The following GALNT13 variants were observed in gnomAD, a reference collection of about 807,000 sequenced individuals.
GALNT13 encodes the protein polypeptide N-acetylgalactosaminyltransferase 13.
A neutral mutation model predicts 64.2 loss-of-function variants in GALNT13; 28 were observed. That is an observed-to-expected ratio of 0.44 (90% confidence interval 0.32 to 0.60). GALNT13 has a LOEUF of 0.60. GALNT13 is among the 20% of genes least tolerant of loss of function. The pLI, the probability that GALNT13 is intolerant of heterozygous loss-of-function variation, is 0.05. For synonymous variants in GALNT13, 214 were observed against 224.6 expected (o/e 0.95, Z 0.42); for missense variants, 577 against 669.8 (o/e 0.86, Z 1.53).
the GALNT13 span, among the ~76,000 whole-genome samples, chr2:153,665,481 C>T: frequency 1.3e-5 from 2 of 148,268 alleles, no homozygotes; most frequent in Admixed American, 6.7e-5. Context: ...CAATTCTCTT[C>T]CCCCACCACC....
chr2:153,843,462 C>T, the GALNT13 span, among the ~76,000 whole-genome samples: 1 of 152,202 alleles, frequency 6.6e-6, no homozygotes, highest in African/African-American at 2.4e-5. Flanking sequence ...CAGACCCCAC[C>T]TCTAGCACTG....
At chr2:153,528,308 A>G in the GALNT13 span, among the ~76,000 whole-genome samples, 1 of 152,014 alleles carries the variant, frequency 6.6e-6, no homozygotes, top group African/African-American at 2.4e-5. Flanking sequence ...AGATTTTAAG[A>G]CAAAAACTAT....
At chr2:153,771,540 T>C in the GALNT13 span, among the ~76,000 whole-genome samples, 5 of 151,876 alleles carry the variant, frequency 3.3e-5, no homozygotes, top group Admixed American at 2.6e-4. Context: ...TGTAGTCTCC[T>C]AATCTAGGGT....
chr2:153,283,818 T>C, the GALNT13 span, among the ~76,000 whole-genome samples: 1 of 151,944 alleles, frequency 6.6e-6, no homozygotes, highest in South Asian at 2.1e-4. Context: ...GGGTGTGAAG[T>C]GGAGAGACCC....
chr2:154,185,966 C>T (rs1008465620), intron 4 of GALNT13, among the ~76,000 whole-genome samples: 1 of 151,860 alleles, frequency 6.6e-6, no homozygotes, highest in Non-Finnish European at 1.5e-5. Context: ...TTAATTATTA[C>T]AGTCTTCCAA....
the GALNT13 span, among the ~76,000 whole-genome samples, chr2:153,185,071 G>T: frequency 1.3e-5 from 2 of 152,240 alleles, no homozygotes; most frequent in Middle Eastern, 6.8e-3. Flanking sequence ...GTAGAATTCA[G>T]CTGTGAATCT....
At chr2:154,161,478 A>G (rs1032174680) in intron 4 of GALNT13, among the ~76,000 whole-genome samples, 2 of 152,110 alleles carry the variant, frequency 1.3e-5, no homozygotes, top group Non-Finnish European at 2.9e-5. Context: ...AACAGGAATG[A>G]TTACGTGGGT....
At chr2:154,183,692 A>G (rs898064741) in intron 4 of GALNT13, among the ~76,000 whole-genome samples, 7 of 152,196 alleles carry the variant, frequency 4.6e-5, no homozygotes, top group Non-Finnish European at 8.8e-5. Flanking sequence ...AGCCTCGGCA[A>G]CAGAGTGAGA....
Position 154,359,975 on chromosome 2 carries a change from C to G in GALNT13, c.1157-36016C>G, listed in dbSNP as rs1696972091. On this transcript the variant is annotated intron_variant, in intron 9 of 12. Transcript: ENST00000392825. ...GCCTTTGATCTCAAAAATAAGCATTCCCAAAACAACATGATTTAATGAGCA... is the reference window on the plus strand; with the variant it reads ...GCCTTTGATCTCAAAAATAAGCATTGCCAAAACAACATGATTTAATGAGCA... 2.6e-5 allele frequency among the ~76,000 whole-genome samples: 4 copies of G among 152,022 alleles called. No homozygotes were observed. The South Asian group carries it at 8.3e-4, about 32-fold the overall frequency.
chr2:153,374,145 T>A, the GALNT13 span, among the ~76,000 whole-genome samples: 1 of 152,176 alleles, frequency 6.6e-6, no homozygotes, highest in East Asian at 1.9e-4. Flanking sequence ...TCATCTGTAT[T>A]TTTAATTTTT....
At chr2:153,333,851 A>G in the GALNT13 span, among the ~76,000 whole-genome samples, 1 of 152,230 alleles carries the variant, frequency 6.6e-6, no homozygotes, top group African/African-American at 2.4e-5. Context: ...CATCTCCAAA[A>G]TAATTGTGTT....
At chr2:153,832,787 A>G in the GALNT13 span, among the ~76,000 whole-genome samples, 2 of 152,170 alleles carry the variant, frequency 1.3e-5, no homozygotes, top group Non-Finnish European at 2.9e-5. Context: ...GTAAAGTGTC[A>G]GTAAATATTT....
rs561672034 is a variant in GALNT13 at position 154,123,559 on chromosome 2, T to C, written c.143-16778T>C. Among the ~76,000 whole-genome samples, 10 of 152,040 alleles carry C rather than the reference T, an allele frequency of 6.6e-5. No individual in the cohort carries two copies. The South Asian group carries it at 2.1e-3, about 32-fold the overall frequency. ...ACACACTCAATAACATGGCTAAAAT[T>C]AGAATGAATGATAATATCTTGCCCT... On this transcript the variant is annotated intron_variant, in intron 3 of 12. Coordinates refer to ENST00000392825, the MANE Select transcript of GALNT13 (RefSeq NM_052917.4).
At chr2:154,102,314 A>G (rs1049950895) in intron 3 of GALNT13, among the ~76,000 whole-genome samples, 2 of 152,184 alleles carry the variant, frequency 1.3e-5, no homozygotes, top group Admixed American at 6.6e-5. Flanking sequence ...AATCCATTAT[A>G]GCAACTCAGA....
chr2:154,128,179 G>GCTTTGT, intron 3 of GALNT13, among the ~76,000 whole-genome samples: 1 of 152,012 alleles, frequency 6.6e-6, no homozygotes, highest in Non-Finnish European at 1.5e-5. Context: ...TGGTAATTTA[G>GCTTTGT]CTTTGTGTTG....
At chr2:153,161,615 A>G in the GALNT13 span, among the ~76,000 whole-genome samples, 5 of 151,960 alleles carry the variant, frequency 3.3e-5, no homozygotes, top group African/African-American at 7.3e-5. Flanking sequence ...TTCCAAGCAG[A>G]AAAAAACAAG....
At position 154,453,369 on chromosome 2, in the gene GALNT13, T is replaced by C. The variant is rs1354672114; in HGVS notation, c.*2818T>C. The C allele has an allele frequency of 6.6e-6, 1 of 151,896 alleles. No individual in the cohort carries two copies. Among genetic ancestry groups the C allele is most frequent in the Non-Finnish European group, 1.5e-5 (1 of 67,992 alleles). 9.4% of individuals were successfully genotyped at this position (151,896 alleles called of 1,614,324 possible). ...ACATACACATGCACACACACACACA[T>C]GCAATTCTACCTTTTTCTAACACCA... is the stretch of plus-strand genomic sequence containing the variant. On this transcript the variant is annotated 3_prime_UTR_variant, in exon 13 of 13. Coordinates refer to ENST00000392825, the MANE Select transcript of GALNT13 (RefSeq NM_052917.4).
At chr2:153,324,759 G>C in the GALNT13 span, among the ~76,000 whole-genome samples, 2 of 152,162 alleles carry the variant, frequency 1.3e-5, no homozygotes, top group Non-Finnish European at 2.9e-5. Flanking sequence ...TTTGTCATTG[G>C]TTCTGTTTAT....
At chr2:153,079,899 C>T in the GALNT13 span, among the ~76,000 whole-genome samples, 4 of 152,260 alleles carry the variant, frequency 2.6e-5, no homozygotes, top group African/African-American at 7.2e-5. Context: ...GGCTAACCCT[C>T]GGGGGCAGTC....
Sources: gnomAD v4.1 joint callset for allele counts (sites outside exome capture counted in the v4.1 genomes callset) on GRCh38, gnomAD v4.1.1 for gene constraint, MANE v1.5 for transcripts, NCBI Gene and HGNC (gene_info 2026-07-23, HGNC 2026-07-21) for gene names.